FGF12: variants seen among roughly 807,000 people sequenced by gnomAD.
FGF12 encodes the protein fibroblast growth factor 12, also known as fibroblast growth factor 12B.
FGF12 carries 14 observed loss-of-function variants against 23.6 expected under a neutral mutation model. The observed-to-expected ratio is 0.59, with a 90% CI of 0.39 to 0.93. The LOEUF is 0.93. Among genes scored for constraint, FGF12 ranks in the 40% least tolerant of loss-of-function variants. The pLI is 0.00. For missense variants in FGF12, 175 were observed against 217.8 expected (o/e 0.80, Z 1.24); for synonymous variants, 62 against 77.3 (o/e 0.80, Z 1.04).
At chr3:192,660,507 T>TTAA (rs1553844864) in intron 2 of FGF12, among the ~76,000 whole-genome samples, 3 of 121,466 alleles carry the variant, frequency 2.5e-5, no homozygotes, top group African/African-American at 9.0e-5. Flanking sequence ...ACTTAAAGTA[T>TTAA]AAAAAAAAAA....
rs190230097 is a variant in FGF12 at position 192,241,776 on chromosome 3, G to A, written c.229-71120C>T. On this transcript the variant is annotated intron_variant, in intron 4 of 5. Coordinates refer to ENST00000445105, the MANE Select transcript of FGF12 (RefSeq NM_004113.6). ...CTTGTTCTGTCCATTGCTGTGTCCC[G>A]AGCACCTGGAACATTGCCTGGCTCA... Among the ~76,000 whole-genome samples, 251 of 152,220 alleles carry A rather than the reference G, an allele frequency of 1.6e-3. 2 individuals are homozygous for A. Among genetic ancestry groups the A allele is most frequent in the African/African-American group, 3.4e-3 (140 of 41,536 alleles).
In FGF12 at chr3:192,514,067, C is replaced by G. The variant is rs966445583; in HGVS notation, c.14-153529G>C. Among the ~76,000 whole-genome samples, 1 of 152,024 alleles carries G rather than the reference C, an allele frequency of 6.6e-6. No homozygotes were observed. Among genetic ancestry groups the G allele is most frequent in the African/African-American group, 2.4e-5 (1 of 41,396 alleles). On this transcript the variant is annotated intron_variant, in intron 2 of 5. Coordinates refer to ENST00000445105, the MANE Select transcript of FGF12 (RefSeq NM_004113.6). The surrounding 1 kb of genome is among the most constrained non-coding windows in gnomAD (Gnocchi z 4.9). ...CAGTTCATTCAAAGGTTCTGATTTT[C>G]TTTCTTTTCCTCCGTGTAGTCTTTC...
In FGF12 at chr3:192,512,835, A is replaced by AATATATATATATATAT. The variant is rs773570110; in HGVS notation, c.14-152313_14-152298dup. 1.8e-3 allele frequency among the ~76,000 whole-genome samples: 139 copies of AATATATATATATATAT among 76,734 alleles called. 11 individuals carry two copies. Among genetic ancestry groups the AATATATATATATATAT allele is most frequent in the African/African-American group, 8.7e-3 (137 of 15,660 alleles). 50.3% of individuals were successfully genotyped at this position (76,734 alleles called of 152,430 possible). The stretch of plus-strand genomic sequence containing the variant: ...GTTAAACCTAGAGTATACTCAAATA[A>AATATATATATATATAT]ATATATATATATATATATATATATA... On this transcript the variant is annotated intron_variant, in intron 2 of 5. Transcript: ENST00000445105.
intron 2 of FGF12, among the ~76,000 whole-genome samples, chr3:192,364,753 C>A (rs1218824544): frequency 6.6e-6 from 1 of 152,172 alleles, no homozygotes; most frequent in East Asian, 1.9e-4. Context: ...GAAATACCTA[C>A]CTTGGACCGT....
intron 2 of FGF12, among the ~76,000 whole-genome samples, chr3:192,384,633 TA>T (rs1300145737): frequency 6.6e-6 from 1 of 152,158 alleles, no homozygotes; most frequent in East Asian, 1.9e-4. Context: ...TGAAAATTCT[TA>T]AAGAGAAAAA....
At chr3:192,414,239 C>A (rs1721279608) in intron 2 of FGF12, among the ~76,000 whole-genome samples, 1 of 152,134 alleles carries the variant, frequency 6.6e-6, no homozygotes, top group South Asian at 2.1e-4. Flanking sequence ...AAGTGCATTA[C>A]AATTATTGAC....
chr3:192,346,750 G>A (rs76079210), intron 3 of FGF12, among the ~76,000 whole-genome samples: 5,495 of 152,162 alleles, frequency 0.036, 339 homozygotes, highest in African/African-American at 0.12. Context: ...TTTGAAGCCA[G>A]GCAACAATGA....
At chr3:192,279,536 A>G (rs1714019390) in intron 4 of FGF12, among the ~76,000 whole-genome samples, 1 of 152,106 alleles carries the variant, frequency 6.6e-6, no homozygotes, top group African/African-American at 2.4e-5. Context: ...ACAGCCAGCA[A>G]GTGATATGGT....
chr3:192,345,512 C>T (rs1282669568), intron 3 of FGF12, among the ~76,000 whole-genome samples: 1 of 58,258 alleles, frequency 1.7e-5, no homozygotes, highest in Non-Finnish European at 2.7e-5. Flanking sequence ...ACGGTGAAAC[C>T]CCGTCTCTAC....
chr3:192,492,113 G>T (rs952711144), intron 2 of FGF12, among the ~76,000 whole-genome samples: 1 of 152,054 alleles, frequency 6.6e-6, no homozygotes, highest in Non-Finnish European at 1.5e-5. Flanking sequence ...GGCATCGCAG[G>T]AAGAAAAACT....
chr3:192,207,489 C>T (rs1363803491), intron 4 of FGF12, among the ~76,000 whole-genome samples: 6 of 152,136 alleles, frequency 3.9e-5, no homozygotes, highest in Non-Finnish European at 7.3e-5. Context: ...GGACACGGAG[C>T]GATCCCGGCA....
At chr3:192,186,759 C>T (rs529422764) in intron 4 of FGF12, among the ~76,000 whole-genome samples, 26 of 152,290 alleles carry the variant, frequency 1.7e-4, no homozygotes, top group African/African-American at 6.3e-4. Flanking sequence ...TAGTATGAGT[C>T]ATGTCTCCTC....
intron 2 of FGF12, among the ~76,000 whole-genome samples, chr3:192,577,639 A>G (rs1712966850): frequency 6.6e-6 from 1 of 152,220 alleles, no homozygotes; most frequent in Non-Finnish European, 1.5e-5. Flanking sequence ...TTAAATAGAG[A>G]TCCCTTAAGA....
At chr3:192,300,412 T>G (rs1440169693) in intron 4 of FGF12, among the ~76,000 whole-genome samples, 1 of 152,268 alleles carries the variant, frequency 6.6e-6, no homozygotes, top group Admixed American at 6.5e-5. Flanking sequence ...TAGTTTACCT[T>G]AATTTTTAGC....
At chr3:192,349,023 C>A (rs1420146214) in intron 3 of FGF12, among the ~76,000 whole-genome samples, 1 of 152,056 alleles carries the variant, frequency 6.6e-6, no homozygotes, top group Non-Finnish European at 1.5e-5. Flanking sequence ...TTTCCAAATC[C>A]TTCATTCCAA....
At chr3:192,467,700 G>A (rs966678763) in intron 2 of FGF12, among the ~76,000 whole-genome samples, 3 of 152,122 alleles carry the variant, frequency 2.0e-5, no homozygotes, top group Admixed American at 6.6e-5. Context: ...ATTCAGGCCC[G>A]TTTTAAAGAT....
chr3:192,528,886 C>T (rs904929326), intron 2 of FGF12, among the ~76,000 whole-genome samples: 2 of 152,170 alleles, frequency 1.3e-5, no homozygotes, highest in Non-Finnish European at 2.9e-5. Flanking sequence ...AGTTCCTAGG[C>T]TGCACATAGC....
rs1008390584 is a variant in FGF12 at position 192,680,331 on chromosome 3, A to C, written c.13+46850T>G. 8.4e-4 allele frequency among the ~76,000 whole-genome samples: 128 copies of C among 152,228 alleles called. 1 individual carries two copies. Among genetic ancestry groups the C allele is most frequent in the Admixed American group, 8.2e-3 (125 of 15,282 alleles). On this transcript the variant is annotated intron_variant, in intron 2 of 5. Transcript: ENST00000445105. ...ACTGCTGCCGAAGGAAATGGTGCAA[A>C]GGGCACAAGGGACTATGCCCAGGAC...
intron 4 of FGF12, among the ~76,000 whole-genome samples, chr3:192,267,942 T>C (rs1487739107): frequency 3.3e-5 from 5 of 152,196 alleles, no homozygotes; most frequent in Admixed American, 2.6e-4. Flanking sequence ...TCACATATTC[T>C]CTATTCTATA....
Sources: gnomAD v4.1 joint callset for allele counts (sites outside exome capture counted in the v4.1 genomes callset) on GRCh38, gnomAD v4.1.1 for gene constraint, Gnocchi (gnomAD v3.1) non-coding constraint, MANE v1.5 for transcripts, NCBI Gene and HGNC (gene_info 2026-07-23, HGNC 2026-07-21) for gene names.